Variants in ELMO1 observed in about 807,000 individuals in gnomAD.
ELMO1 encodes the protein engulfment and cell motility protein 1.
In ELMO1, 26 loss-of-function variants were observed where a neutral mutation model predicts 98.9. The observed-to-expected ratio is 0.26, with a 90% CI of 0.19 to 0.36. The LOEUF is 0.36. Among genes scored for constraint, ELMO1 ranks in the 10% least tolerant of loss-of-function variants. The pLI is 1.00. For missense variants in ELMO1, 627 were observed against 935.2 expected, an observed-to-expected ratio of 0.67 and a Z score of 4.30; for synonymous variants, 346 against 346.0, an observed-to-expected ratio of 1.00 and a Z score of 0.00.
rs764889756 is a variant in ELMO1, at chr7:37,188,501, A to AAAAAAAAT, written c.1086+22884_1086+22885insATTTTTTT. ...CTGGAGAAAGGTAAAAAAAAAAAAA[A>AAAAAAAAT]AATAATAATAATAATAATAATAATA... On this transcript the variant is annotated intron_variant, in intron 13 of 21. Transcript: ENST00000310758. Among the ~76,000 whole-genome samples the AAAAAAAAT allele has an allele frequency of 3.7e-4, 47 of 125,940 alleles. 1 individual carries two copies. Among genetic ancestry groups the AAAAAAAAT allele is most frequent in the African/African-American group, 9.7e-4 (32 of 32,952 alleles). The allele number at this position is 125,940 out of a possible 152,430, so 82.6% of individuals were successfully genotyped here.
rs368571920 is a variant in ELMO1, at chr7:37,320,838, G to A, written c.79-4878C>T. Among the ~76,000 whole-genome samples the A allele has an allele frequency of 6.1e-3, 922 of 151,928 alleles. 10 individuals carry two copies. The highest frequency in any genetic ancestry group is 0.021 in the African/African-American group (889 of 41,434). On this transcript the variant is annotated intron_variant, in intron 2 of 21. Transcript: ENST00000310758. ...TTAAAAAACAACAACAACAAAAAAA[G>A]CCAACTATTTTTAATGATAGCCTGG...
At chr7:37,227,303 T>G (rs1036430129) in intron 8 of ELMO1, among the ~76,000 whole-genome samples, 11 of 152,244 alleles carry the variant, frequency 7.2e-5, no homozygotes, top group African/African-American at 2.4e-4. Flanking sequence ...CCCCCTGAAT[T>G]AGTTGCCTAC....
rs1235882902 is a variant in ELMO1 at position 37,092,463 on chromosome 7, C to T, written c.1300+4156G>A. On this transcript the variant is annotated intron_variant, in intron 15 of 21. Transcript: ENST00000310758. Reference sequence around the variant, plus strand: ...GTGCAATCTCAGCTCACTGCAAGCTCCGCCTCCCAGGTTCACACCATTCTC... The same window carrying T: ...GTGCAATCTCAGCTCACTGCAAGCTTCGCCTCCCAGGTTCACACCATTCTC... 2.7e-5 allele frequency among the ~76,000 whole-genome samples: 4 copies of T among 147,396 alleles called. 1 individual carries two copies. The highest frequency in any genetic ancestry group is 1.0e-4 in the African/African-American group (4 of 40,172).
At chr7:37,204,720 C>A (rs553453019) in intron 13 of ELMO1, among the ~76,000 whole-genome samples, 12 of 152,240 alleles carry the variant, frequency 7.9e-5, no homozygotes, top group Non-Finnish European at 1.3e-4. Flanking sequence ...GTTCTGACAG[C>A]ATGCTGACTG....
At chr7:37,394,123 C>T (rs187298435) in intron 1 of ELMO1, among the ~76,000 whole-genome samples, 1,767 of 152,244 alleles carry the variant, frequency 0.012, 34 homozygotes, top group African/African-American at 0.04. Flanking sequence ...CCCTGTTAGG[C>T]CCAGGGACAC....
intron 6 of ELMO1, among the ~76,000 whole-genome samples, chr7:37,255,621 AC>A (rs1795598792): frequency 6.6e-6 from 1 of 152,186 alleles, no homozygotes; most frequent in Non-Finnish European, 1.5e-5. Context: ...TGCTGTCTTT[AC>A]CACGGTAAAG....
At chr7:37,208,738 T>C (rs1299007911) in intron 13 of ELMO1, among the ~76,000 whole-genome samples, 2 of 152,224 alleles carry the variant, frequency 1.3e-5, no homozygotes, top group Admixed American at 1.3e-4. Context: ...TGAAAATATC[T>C]GCTTGTCAAA....
chr7:36,915,152 C>T (rs776750784), intron 16 of ELMO1, among the ~76,000 whole-genome samples: 5 of 152,046 alleles, frequency 3.3e-5, no homozygotes, highest in Non-Finnish European at 7.4e-5. Context: ...GTCTTGAACT[C>T]GTGGCTTCAA....
intron 1 of ELMO1, among the ~76,000 whole-genome samples, chr7:37,435,757 A>G (rs1258024549): frequency 6.6e-6 from 1 of 152,216 alleles, no homozygotes; most frequent in Non-Finnish European, 1.5e-5. Context: ...ATTATATGAC[A>G]ACGCTTATGA....
intron 1 of ELMO1, among the ~76,000 whole-genome samples, chr7:37,446,396 C>T (rs1805618908): frequency 6.6e-6 from 1 of 152,112 alleles, no homozygotes; most frequent in Non-Finnish European, 1.5e-5. Context: ...ACATAAGAGG[C>T]CCAGGGAGTG....
At chr7:37,219,064 C>T (rs1332724638) in intron 10 of ELMO1, among the ~76,000 whole-genome samples, 4 of 152,196 alleles carry the variant, frequency 2.6e-5, no homozygotes, top group South Asian at 4.1e-4. Context: ...ACCTCCTCCC[C>T]GACAAAACTA....
intron 16 of ELMO1, among the ~76,000 whole-genome samples, chr7:36,914,516 CTT>C (rs71734817): frequency 0.01 from 1,348 of 129,886 alleles, 18 homozygotes; most frequent in African/African-American, 0.035. Context: ...AATGTACATT[CTT>C]TTTTTTTTTT....
In ELMO1 at chr7:37,327,443, G is replaced by T. The variant is rs529302858; in HGVS notation, c.79-11483C>A. Among the ~76,000 whole-genome samples the T allele has an allele frequency of 2.6e-5, 4 of 152,294 alleles. No homozygotes were observed. In the East Asian group the frequency reaches 7.7e-4, roughly 29 times the overall value. Reference sequence around the variant, plus strand: ...AGAGTAGATATGAGAAAGCCAATAAGCCCTGAAGGCAAAGTAGGGTTCAGG... The same window carrying T: ...AGAGTAGATATGAGAAAGCCAATAATCCCTGAAGGCAAAGTAGGGTTCAGG... On this transcript the variant is annotated intron_variant, in intron 2 of 21. Transcript: ENST00000310758.
intron 4 of ELMO1, among the ~76,000 whole-genome samples, chr7:37,297,036 C>G (rs1284936944): frequency 6.7e-6 from 1 of 150,246 alleles, no homozygotes; most frequent in Non-Finnish European, 1.5e-5. Context: ...AAGATAAAAG[C>G]AATCTTCCCA....
chr7:37,262,695 A>C (rs1796035609), intron 5 of ELMO1, among the ~76,000 whole-genome samples: 1 of 152,232 alleles, frequency 6.6e-6, no homozygotes, highest in Non-Finnish European at 1.5e-5. Context: ...GAGGAGACAC[A>C]TCACTAAAGA....
At chr7:37,208,201 G>C (rs1014640247) in intron 13 of ELMO1, among the ~76,000 whole-genome samples, 7 of 152,244 alleles carry the variant, frequency 4.6e-5, no homozygotes, top group African/African-American at 1.7e-4. Flanking sequence ...TGCTGTGCTA[G>C]TCGCTGGTAG....
chr7:37,208,647 G>C (rs1180755894), intron 13 of ELMO1, among the ~76,000 whole-genome samples: 1 of 152,182 alleles, frequency 6.6e-6, no homozygotes, highest in Non-Finnish European at 1.5e-5. Context: ...GTTTTTGCAA[G>C]ACCGTCTCTA....
chr7:37,171,278 G>A (rs182753831), intron 13 of ELMO1, among the ~76,000 whole-genome samples: 1 of 152,030 alleles, frequency 6.6e-6, no homozygotes, highest in African/African-American at 2.4e-5. Context: ...AATAACAGGA[G>A]GTGCTGGGAA....
At chr7:37,282,560 G>A (rs1797194379) in intron 4 of ELMO1, among the ~76,000 whole-genome samples, 2 of 152,072 alleles carry the variant, frequency 1.3e-5, no homozygotes, top group African/African-American at 2.4e-5. Context: ...ACAGGACTAC[G>A]GATCGACCGT....
Sources: gnomAD v4.1 joint callset for allele counts (sites outside exome capture counted in the v4.1 genomes callset) on GRCh38, gnomAD v4.1.1 for gene constraint, MANE v1.5 for transcripts, NCBI Gene and HGNC (gene_info 2026-07-23, HGNC 2026-07-21) for gene names.